The following KMT2C variants were observed in gnomAD, a reference collection of about 807,000 sequenced individuals.
KMT2C encodes lysine methyltransferase 2C.
In KMT2C, 88 loss-of-function variants were observed where a neutral mutation model predicts 507.9. The observed-to-expected ratio is 0.17, with a 90% confidence interval of 0.15 to 0.21. The LOEUF is 0.21. KMT2C is among the 10% of genes least tolerant of loss of function. The pLI is 1.00. For missense variants in KMT2C, 4,954 were observed against 5,957.8 expected, an observed-to-expected ratio of 0.83 and a Z score of 5.55; for synonymous variants, 2,049 against 2,080.8, an observed-to-expected ratio of 0.98 and a Z score of 0.42.
chr7:152,316,965 A>G (rs2096728112), intron 3 of KMT2C, among the ~76,000 whole-genome samples: 1 of 152,144 alleles, frequency 6.6e-6, no homozygotes, highest in Non-Finnish European at 1.5e-5. Context: ...CATTTATTTC[A>G]CCATATCCCA....
intron 1 of KMT2C, among the ~76,000 whole-genome samples, chr7:152,424,614 G>A (rs1380725681): frequency 6.6e-6 from 1 of 152,106 alleles, no homozygotes; most frequent in Non-Finnish European, 1.5e-5. Flanking sequence ...TGTAGAGACA[G>A]TGTCTTGCTA....
intron 1 of KMT2C, among the ~76,000 whole-genome samples, chr7:152,417,263 T>A (rs565105008): frequency 3.3e-5 from 5 of 152,090 alleles, no homozygotes; most frequent in African/African-American, 1.2e-4. Context: ...GGATTACAGG[T>A]GCCCACCACC....
At chr7:152,414,586 T>TA (rs1392127764) in intron 1 of KMT2C, among the ~76,000 whole-genome samples, 6 of 151,714 alleles carry the variant, frequency 4.0e-5, no homozygotes. Flanking sequence ...TAAGATTTAA[T>TA]AAAAATACTG....
chr7:152,165,426 TA>T (rs953652312), intron 42 of KMT2C, among the ~76,000 whole-genome samples: 3 of 151,996 alleles, frequency 2.0e-5, no homozygotes, highest in East Asian at 3.9e-4. Flanking sequence ...ATGAAAGTGC[TA>T]AAAAAAATAT....
intron 44 of KMT2C, 85 bp downstream of exon 44, chr7:152,158,778 G>C: frequency 1.6e-6 from 2 of 1,257,502 alleles, no homozygotes; most frequent in African/African-American, 1.5e-5. Context: ...GCCTCCCAAA[G>C]TGCTGGGATT....
In KMT2C at chr7:152,180,730, T is replaced by G. The variant is rs1162957881; in HGVS notation, c.7130A>C (p.Asp2377Ala). ...TQNTVNMAQA[D>A]TEKLRQRQKL... is the part of the protein sequence containing the mutation. ...GTTTACCTGTCTCAATTTCTCTGTA[T>G]CTGCTTGGGCCATATTTACAGTATT... Residue 2377 changes from aspartate (D) to alanine (A), a missense_variant, in exon 36 of 59, where the codon GAT (aspartate) becomes GCT (alanine). Asp to Ala is a moderately radical substitution (Grantham distance 126, BLOSUM62 -2). Transcript: ENST00000262189. 1 of 1,612,524 alleles carries G rather than the reference T, an allele frequency of 6.2e-7. No homozygotes were observed. The highest frequency in any genetic ancestry group is 1.7e-5 in the Admixed American group (1 of 59,802).
At chr7:152,384,599 C>G (rs866080810) in intron 1 of KMT2C, among the ~76,000 whole-genome samples, 1 of 146,310 alleles carries the variant, frequency 6.8e-6, no homozygotes, top group African/African-American at 2.5e-5. Context: ...ACCACCACCA[C>G]CACCACCACC....
At chr7:152,173,172 A>G (rs2093041696) in intron 39 of KMT2C, among the ~76,000 whole-genome samples, 1 of 152,212 alleles carries the variant, frequency 6.6e-6, no homozygotes, top group African/African-American at 2.4e-5. Flanking sequence ...AACCATGTCC[A>G]AAGTATCTCA....
At chr7:152,307,908 C>T (rs1292856414) in intron 6 of KMT2C, among the ~76,000 whole-genome samples, 2 of 152,174 alleles carry the variant, frequency 1.3e-5, no homozygotes, top group African/African-American at 4.8e-5. Flanking sequence ...CCAAAAAGCT[C>T]ATTTAGCCTT....
intron 1 of KMT2C, among the ~76,000 whole-genome samples, chr7:152,395,366 G>T (rs1170449621): frequency 6.6e-6 from 1 of 151,460 alleles, no homozygotes; most frequent in Non-Finnish European, 1.5e-5. Context: ...CCCCCCCCCA[G>T]TTAGAGACAG....
chr7:152,238,628 A>T (rs1180996040), intron 15 of KMT2C, 79 bp downstream of exon 15: 1 of 1,460,530 alleles, frequency 6.8e-7, no homozygotes, highest in Non-Finnish European at 9.1e-7. Context: ...TAGAAAAGAA[A>T]GATTTAATTC....
Position 152,338,398 on chromosome 7 carries a change from A to C in KMT2C, c.251-7659T>G, listed in dbSNP as rs1448487618. ...TAGTCAAGATCCCTACGTTTAATGGATCTAGATGAAAGACTGAAAATAAAA... is the reference window on the plus strand; with the variant it reads ...TAGTCAAGATCCCTACGTTTAATGGCTCTAGATGAAAGACTGAAAATAAAA... On this transcript the variant is annotated intron_variant, in intron 2 of 58. Transcript: ENST00000262189. Among the ~76,000 whole-genome samples the C allele has an allele frequency of 2.0e-5, 3 of 152,306 alleles. No homozygotes were observed. The East Asian group carries it at 5.8e-4, about 29-fold the overall frequency.
chr7:152,266,235 A>G (rs867690874), intron 7 of KMT2C, among the ~76,000 whole-genome samples: 14 of 151,838 alleles, frequency 9.2e-5, no homozygotes, highest in Middle Eastern at 3.4e-3. Flanking sequence ...CACAAAGTAT[A>G]TGAACCTTTT....
intron 6 of KMT2C, among the ~76,000 whole-genome samples, chr7:152,303,524 C>G (rs1375546356): frequency 6.6e-6 from 1 of 152,194 alleles, no homozygotes; most frequent in African/African-American, 2.4e-5. Context: ...GTTCCAGATA[C>G]TTTGTTAGGC....
At chr7:152,393,691 A>AAAT (rs2097518673) in intron 1 of KMT2C, among the ~76,000 whole-genome samples, 1 of 152,022 alleles carries the variant, frequency 6.6e-6, no homozygotes, top group Non-Finnish European at 1.5e-5. Context: ...AAGCAGGCAG[A>AAAT]TCACCTGCCT....
intron 1 of KMT2C, among the ~76,000 whole-genome samples, chr7:152,422,901 C>T (rs550243338): frequency 6.6e-6 from 1 of 151,668 alleles, no homozygotes; most frequent in South Asian, 2.1e-4. Flanking sequence ...CCTGTAGTCC[C>T]AGCTACTCAG....
intron 6 of KMT2C, among the ~76,000 whole-genome samples, chr7:152,284,962 C>A (rs10224793): frequency 6.6e-6 from 1 of 150,954 alleles, no homozygotes; most frequent in East Asian, 2.0e-4. Flanking sequence ...TCTCTAGAAA[C>A]GGAGAAGTAT....
chr7:152,388,914 A>G (rs989382330), intron 1 of KMT2C, among the ~76,000 whole-genome samples: 3 of 152,164 alleles, frequency 2.0e-5, no homozygotes, highest in Admixed American at 1.3e-4. Flanking sequence ...ATGCACAGCT[A>G]ATTTTGTATT....
At chr7:152,274,362 A>ACAC (rs2096038903) in intron 6 of KMT2C, among the ~76,000 whole-genome samples, 3 of 151,296 alleles carry the variant, frequency 2.0e-5, no homozygotes, top group Non-Finnish European at 3.0e-5. Context: ...AAAGACTCAC[A>ACAC]GAAAAAAACA....
Sources: gnomAD v4.1 joint callset for allele counts (sites outside exome capture counted in the v4.1 genomes callset) on GRCh38, gnomAD v4.1.1 for gene constraint, MANE v1.5 for transcripts, NCBI Gene and HGNC (gene_info 2026-07-23, HGNC 2026-07-21) for gene names.